SYN3: variants seen among roughly 807,000 people sequenced by gnomAD.
SYN3 encodes synapsin III.
Under a neutral mutation model 65.8 loss-of-function variants are expected in SYN3, and 35 were observed. The observed-to-expected ratio is 0.53, with a 90% CI of 0.41 to 0.70. The LOEUF is 0.70. SYN3 is among the 30% of genes least tolerant of loss of function. The probability of loss-of-function intolerance (pLI) is 0.00; values close to 1 mark genes in which losing one functional copy is unlikely to be tolerated. For synonymous variants in SYN3, 270 were observed against 292.9 expected, an observed-to-expected ratio of 0.92 and a Z score of 0.80; for missense variants, 680 against 749.0, an observed-to-expected ratio of 0.91 and a Z score of 1.08.
At chr22:32,622,455 G>C (rs559044138) in intron 6 of SYN3, among the ~76,000 whole-genome samples, 1 of 152,194 alleles carries the variant, frequency 6.6e-6, no homozygotes, top group East Asian at 1.9e-4. Flanking sequence ...TTATTGATTT[G>C]GGACCTGGGT....
intron 1 of SYN3, among the ~76,000 whole-genome samples, chr22:33,049,310 G>A (rs918576416): frequency 5.9e-5 from 9 of 152,150 alleles, no homozygotes; most frequent in Admixed American, 3.3e-4. Context: ...TGGAAGGTGG[G>A]CTCCCCCTGC....
intron 6 of SYN3, among the ~76,000 whole-genome samples, chr22:32,756,934 G>A (rs2045306747): frequency 6.6e-6 from 1 of 152,168 alleles, no homozygotes; most frequent in Non-Finnish European, 1.5e-5. Context: ...TCAAATGCCA[G>A]AAGTAGGATT....
At chr22:32,769,195 A>T (rs2145762435) in intron 6 of SYN3, among the ~76,000 whole-genome samples, 1 of 151,768 alleles carries the variant, frequency 6.6e-6, no homozygotes, top group Middle Eastern at 3.4e-3. Flanking sequence ...ATTACCACCC[A>T]TTTCCCCCCT....
chr22:32,903,969 G>A (rs943886355), intron 4 of SYN3, among the ~76,000 whole-genome samples: 1 of 152,188 alleles, frequency 6.6e-6, no homozygotes, highest in Non-Finnish European at 1.5e-5. Context: ...CATTTCAGGA[G>A]GTGGTGAAAT....
At chr22:32,938,214 C>T (rs995864157) in intron 3 of SYN3, among the ~76,000 whole-genome samples, 5 of 152,158 alleles carry the variant, frequency 3.3e-5, no homozygotes, top group African/African-American at 4.8e-5. Context: ...AGTAGTAAAT[C>T]TTCCTTAAAG....
chr22:32,874,682 A>C (rs192063332), intron 4 of SYN3, among the ~76,000 whole-genome samples: 84 of 152,344 alleles, frequency 5.5e-4, no homozygotes, highest in South Asian at 1.7e-3. Flanking sequence ...CCCAAGAGCC[A>C]GGTTGGCAAA....
At chr22:33,037,550 G>C (rs559797360) in intron 1 of SYN3, among the ~76,000 whole-genome samples, 1 of 152,284 alleles carries the variant, frequency 6.6e-6, no homozygotes, top group Admixed American at 6.5e-5. Flanking sequence ...CAGGCACTTG[G>C]CTAGGCAGTT....
intron 1 of SYN3, among the ~76,000 whole-genome samples, chr22:33,043,505 G>A (rs1470469293): frequency 1.3e-5 from 2 of 152,076 alleles, no homozygotes; most frequent in Non-Finnish European, 2.9e-5. Flanking sequence ...CTGAGATCAC[G>A]CCATTGCACT....
intron 6 of SYN3, among the ~76,000 whole-genome samples, chr22:32,806,165 C>A (rs1317950047): frequency 6.6e-6 from 1 of 151,928 alleles, no homozygotes; most frequent in Non-Finnish European, 1.5e-5. Flanking sequence ...GTGGGAGGTA[C>A]CCGGTCTGCC....
chr22:32,770,398 T>G (rs531286975), intron 6 of SYN3, among the ~76,000 whole-genome samples: 2 of 152,140 alleles, frequency 1.3e-5, no homozygotes, highest in African/African-American at 4.8e-5. Flanking sequence ...CTCCTTACCA[T>G]GAGCCACAGG....
At chr22:33,054,213 A>G (rs2054218444) in intron 1 of SYN3, among the ~76,000 whole-genome samples, 1 of 152,070 alleles carries the variant, frequency 6.6e-6, no homozygotes, top group Admixed American at 6.6e-5. Context: ...TGCCATATTT[A>G]TATCTCCAGC....
chr22:32,610,291 C>CT (rs958551577), intron 6 of SYN3, among the ~76,000 whole-genome samples: 5 of 151,816 alleles, frequency 3.3e-5, no homozygotes, highest in African/African-American at 1.2e-4. Context: ...CCTGCCCCCC[C>CT]CAAAAAAAGA....
Position 32,837,658 on chromosome 22 carries a change from G to A in SYN3, c.711+27257C>T, listed in dbSNP as rs1449877121. On this transcript the variant is annotated intron_variant, in intron 6 of 13. Transcript: ENST00000358763. The surrounding 1 kb of genome is among the most constrained non-coding windows in gnomAD (Gnocchi z 4.1). ...GTTTCTAGGGGTTTCTTGGGGCTTC[G>A]GGGGCCTCCTGTCAATGGACTGTTT... 3.9e-5 allele frequency among the ~76,000 whole-genome samples: 6 copies of A among 152,050 alleles called. No homozygotes were observed. Among genetic ancestry groups the A allele is most frequent in the Non-Finnish European group, 8.8e-5 (6 of 68,016 alleles).
chr22:32,564,264 G>C (rs1358761330), intron 7 of SYN3, among the ~76,000 whole-genome samples: 1 of 152,164 alleles, frequency 6.6e-6, no homozygotes, highest in Admixed American at 6.5e-5. Flanking sequence ...TTCATACTGG[G>C]AGTCCTGCCC....
chr22:32,905,464 G>A (rs1420457085), intron 4 of SYN3, among the ~76,000 whole-genome samples: 1 of 152,252 alleles, frequency 6.6e-6, no homozygotes, highest in African/African-American at 2.4e-5. Flanking sequence ...TACCTTGGTT[G>A]CCACCCTCCA....
chr22:32,832,799 C>T (rs2047615831), intron 6 of SYN3, among the ~76,000 whole-genome samples: 2 of 152,088 alleles, frequency 1.3e-5, no homozygotes, highest in South Asian at 4.1e-4. Flanking sequence ...ATGATACTGG[C>T]TTCCTGCAGC....
At chr22:32,888,974 C>T (rs1463029848) in intron 4 of SYN3, among the ~76,000 whole-genome samples, 3 of 152,214 alleles carry the variant, frequency 2.0e-5, no homozygotes, top group Non-Finnish European at 4.4e-5. Context: ...AAAGCTGGCC[C>T]TCTAATCGGT....
At chr22:32,754,563 G>A (rs2045236596) in intron 6 of SYN3, among the ~76,000 whole-genome samples, 1 of 152,202 alleles carries the variant, frequency 6.6e-6, no homozygotes, top group African/African-American at 2.4e-5. Flanking sequence ...GACCTGATAT[G>A]TGAAGAGTTG....
intron 6 of SYN3, among the ~76,000 whole-genome samples, chr22:32,833,535 T>C (rs1167186002): frequency 6.6e-6 from 1 of 152,128 alleles, no homozygotes; most frequent in Non-Finnish European, 1.5e-5. Flanking sequence ...TCAAAGGAGC[T>C]TACACTGAGT....
Sources: allele counts gnomAD v4.1 joint callset (sites outside exome capture counted in the v4.1 genomes callset), GRCh38; gene constraint gnomAD v4.1.1; non-coding constraint Gnocchi (gnomAD v3.1); transcripts MANE v1.5; gene names NCBI Gene and HGNC (gene_info 2026-07-23, HGNC 2026-07-21).